The following DENND3 variants were observed in gnomAD, a reference collection of about 807,000 sequenced individuals.
The protein encoded by DENND3 is DENN domain-containing protein 3.
In DENND3, 88 loss-of-function variants were observed where a neutral mutation model predicts 135.1. The observed-to-expected ratio is 0.65, with a 90% CI of 0.55 to 0.78. The LOEUF (loss-of-function observed/expected upper bound fraction) is 0.78. DENND3 is among the 30% of genes least tolerant of loss of function. The pLI is 0.00. For missense variants in DENND3, 1,392 were observed against 1,688.4 expected (o/e 0.82, Z 3.08); for synonymous variants, 693 against 712.3 (o/e 0.97, Z 0.43).
At chr8:141,143,958 G>A (rs1817753562) in intron 4 of DENND3, 190 bp from the exon 5 acceptor site, 1 of 526,610 alleles carries the variant, frequency 1.9e-6, no homozygotes. Flanking sequence ...TGTGCCACCT[G>A]TCAGGCACTA....
At chr8:141,163,520 G>A in intron 10 of DENND3, 91 bp downstream of exon 10, 4 of 858,422 alleles carry the variant, frequency 4.7e-6, no homozygotes, top group Non-Finnish European at 7.1e-6. Context: ...GTGTTCTCAA[G>A]TGTATCAACT....
chr8:141,182,712 T>A lies in DENND3; in HGVS notation c.2944+1858T>A, dbSNP rs1035809605. On this transcript the variant is annotated intron_variant, in intron 17 of 22. Transcript: ENST00000519811. This position sits in a 1 kb window ranked among gnomAD's most constrained non-coding sequence, Gnocchi z 5.9. ...AGCCGAGCAGGGCTTTTGCAAGCCT[T>A]GTGAGATTGCAGGGACAAGAGGTGG... Among the ~76,000 whole-genome samples, 2 of 152,168 alleles carry A rather than the reference T, an allele frequency of 1.3e-5. No homozygotes were observed. Among genetic ancestry groups the A allele is most frequent in the Non-Finnish European group, 2.9e-5 (2 of 68,028 alleles).
rs1003788175 is a variant in DENND3 at position 141,182,619 on chromosome 8, C to T, written c.2944+1765C>T. ...GCCTGCAGAGAGCGTGCAAAGCAGC[C>T]GTGGGGAATGGGGAAACCGCCTTTT... is the stretch of plus-strand genomic sequence containing the variant. On this transcript the variant is annotated intron_variant, in intron 17 of 22. Transcript: ENST00000519811. The surrounding 1 kb of genome is among the most constrained non-coding windows in gnomAD (Gnocchi z 5.9). 13 of 494,212 alleles carry T rather than the reference C, an allele frequency of 2.6e-5. No individual in the cohort carries two copies. The highest frequency in any genetic ancestry group is 1.3e-4 in the African/African-American group (6 of 46,952). 30.6% of individuals were successfully genotyped at this position (494,212 alleles called of 1,614,324 possible).
At chr8:141,181,382 T>G (rs1160216727) in intron 17 of DENND3, among the ~76,000 whole-genome samples, 2 of 152,234 alleles carry the variant, frequency 1.3e-5, no homozygotes, top group African/African-American at 4.8e-5. Flanking sequence ...AAGCTCTTAA[T>G]GGGATCCTCT....
At position 141,175,629 on chromosome 8, in the gene DENND3, G is replaced by A. The variant is rs759677829; in HGVS notation, c.2535+170G>A. On this transcript the variant is annotated intron_variant, in intron 14 of 22. Coordinates refer to ENST00000519811, the MANE Select transcript of DENND3 (RefSeq NM_001352890.3). The surrounding 1 kb of genome is among the most constrained non-coding windows in gnomAD (Gnocchi z 5.4). The stretch of plus-strand genomic sequence containing the variant: ...TGCTCATCTGTAAAGTAGGAATAAG[G>A]CTGATACCTTCTCAGTGGGTGGTGG... The A allele has an allele frequency of 1.1e-6, 1 of 946,648 alleles. No individual in the cohort carries two copies. Among genetic ancestry groups the A allele is most frequent in the Non-Finnish European group, 1.6e-6 (1 of 610,462 alleles). The allele number at this position is 946,648 out of a possible 1,614,324, so 58.6% of individuals were successfully genotyped here. A position where few individuals can be genotyped will look rare whatever the true frequency, so the allele number is the denominator to read the frequency against.
rs762070002 is a variant in DENND3, at chr8:141,168,256, G to A, written c.2006G>A (p.Arg669Gln). 6.8e-6 allele frequency: 11 copies of A among 1,613,994 alleles called. No homozygotes were observed. In the African/African-American group the frequency reaches 8.0e-5, roughly 12 times the overall value. ...DFQNLYKTDIRIFPTDLVKRT... is the reference protein window; with the variant it reads ...DFQNLYKTDIQIFPTDLVKRT... ...CAGAATCTGTATAAAACAGACATAC[G>A]GATCTTTCCCACTGATTTGGTGAAG... Residue 669 changes from arginine (R) to glutamine (Q), a missense_variant, in exon 13 of 23, where the codon CGG becomes CAG. By Grantham distance (43) the Arg-to-Gln change is conservative. Transcript: ENST00000519811. The surrounding 1 kb of genome is among the most constrained non-coding windows in gnomAD (Gnocchi z 6.2).
chr8:141,166,719 TAGG>T lies in DENND3; in HGVS notation c.1753+334_1753+336del, dbSNP rs1217953400. 6.6e-6 allele frequency among the ~76,000 whole-genome samples: 1 copy of T among 152,182 alleles called. No individual in the cohort carries two copies. Among genetic ancestry groups the T allele is most frequent in the African/African-American group, 2.4e-5 (1 of 41,434 alleles). On this transcript the variant is annotated intron_variant, in intron 12 of 22. Coordinates refer to ENST00000519811, the MANE Select transcript of DENND3 (RefSeq NM_001352890.3). The surrounding 1 kb of genome is among the most constrained non-coding windows in gnomAD (Gnocchi z 4.3). The stretch of plus-strand genomic sequence containing the variant: ...CATATTTACACATCCACACGTGTGA[TAGG>T]AGGCAGGGAGCGCACCAGGCACTTT...
chr8:141,129,793 AAGGC>A (rs1277656356), intron 1 of DENND3: 1 of 152,246 alleles, frequency 6.6e-6, no homozygotes, highest in Non-Finnish European at 1.5e-5. Flanking sequence ...GTCACCAGGA[AAGGC>A]AGATGTTCCT....
At chr8:141,184,795 C>T in intron 17 of DENND3, 1 of 198,658 alleles carries the variant, frequency 5.0e-6, no homozygotes, top group East Asian at 1.2e-4. Context: ...CCCTCTGTGT[C>T]CACCTGCTCC....
At chr8:141,188,333 A>G (rs1440985035) in intron 18 of DENND3, 1 of 152,242 alleles carries the variant, frequency 6.6e-6, no homozygotes, top group Non-Finnish European at 1.5e-5. Context: ...CACTCTCTAG[A>G]CACTGGGAGC....
At chr8:141,186,297 C>G (rs971846146) in intron 18 of DENND3, among the ~76,000 whole-genome samples, 1 of 152,154 alleles carries the variant, frequency 6.6e-6, no homozygotes, top group Non-Finnish European at 1.5e-5. Context: ...AAAGAGGAGA[C>G]AGCTGCCTCT....
At chr8:141,133,717 G>A (rs931186796) in intron 1 of DENND3, among the ~76,000 whole-genome samples, 1 of 151,184 alleles carries the variant, frequency 6.6e-6, no homozygotes, top group African/African-American at 2.4e-5. Context: ...GGCATGGTGG[G>A]GCTGGGGCCC....
intron 17 of DENND3, 197 bp from the exon 18 acceptor site, chr8:141,184,942 C>A: frequency 1.7e-6 from 1 of 590,858 alleles, no homozygotes; most frequent in Non-Finnish European, 2.8e-6. Flanking sequence ...GCCCTCTCAC[C>A]AGCCAGCTGC....
At position 141,144,433 on chromosome 8, in the gene DENND3, A is replaced by G. The variant is rs897356671; in HGVS notation, c.735+174A>G. ...GACTGACTGGACCCCCTTTTGGCCA[A>G]GGGGACCCCAGAGAAACCCAAAAAA... On this transcript the variant is annotated intron_variant, in intron 5 of 22. Transcript: ENST00000519811. The surrounding 1 kb of genome is among the most constrained non-coding windows in gnomAD (Gnocchi z 4.4). Among the ~76,000 whole-genome samples the G allele has an allele frequency of 1.1e-4, 17 of 152,090 alleles. No homozygotes were observed. Among genetic ancestry groups the G allele is most frequent in the African/African-American group, 4.1e-4 (17 of 41,380 alleles).
At position 141,141,393 on chromosome 8, in the gene DENND3, G is replaced by A. The variant is rs1488810097; in HGVS notation, c.623+69G>A. On this transcript the variant is annotated intron_variant, in intron 4 of 22. Coordinates refer to ENST00000519811, the MANE Select transcript of DENND3 (RefSeq NM_001352890.3). This position sits in a 1 kb window ranked among gnomAD's most constrained non-coding sequence, Gnocchi z 5.3. ...TTTGTGCCTCTCCAGGTGAGCCAAG[G>A]GACCAGGGGGCTGGAGGTGGTGGGG... The A allele has an allele frequency of 1.3e-6, 2 of 1,578,832 alleles. No individual in the cohort carries two copies. The highest frequency in any genetic ancestry group is 2.7e-5 in the African/African-American group (2 of 73,634).
chr8:141,134,606 T>A (rs2154612674), intron 1 of DENND3, among the ~76,000 whole-genome samples: 1 of 152,340 alleles, frequency 6.6e-6, no homozygotes, highest in African/African-American at 2.4e-5. Flanking sequence ...TTCCTACTGA[T>A]ACATTTTTTT....
In DENND3 at chr8:141,168,393, G is replaced by A; in HGVS notation, c.2143G>A (p.Asp715Asn). 6.2e-7 allele frequency: 1 copy of A among 1,613,922 alleles called. No homozygotes were observed. Among genetic ancestry groups the A allele is most frequent in the Non-Finnish European group, 8.5e-7 (1 of 1,180,030 alleles). The change falls in exon 13 of 23, where the codon GAC (aspartate) becomes AAC (asparagine). Residue 715 changes from aspartate (D) to asparagine (N), a missense_variant. By Grantham distance (23) the Asp-to-Asn change is conservative. Coordinates refer to ENST00000519811, the MANE Select transcript of DENND3 (RefSeq NM_001352890.3). The surrounding 1 kb of genome is among the most constrained non-coding windows in gnomAD (Gnocchi z 6.2). ...CAAGCCGCACGAGGCCTCGAAGCTG[G>A]ACGACCACGTGAAGAAGTTCAAGCT... ...LDKPHEASKL[D>N]DHVKKFKLPK... is the part of the protein sequence containing the mutation.
At chr8:141,185,307 C>T (rs777914809) in intron 18 of DENND3, 29 bp downstream of exon 18, 114 of 1,612,666 alleles carry the variant, frequency 7.1e-5, no homozygotes, top group Non-Finnish European at 9.4e-5. Context: ...AGGAAAGAAG[C>T]CTCTGAATTC....
chr8:141,191,977 G>C (rs1471322651), intron 20 of DENND3: 1 of 186,130 alleles, frequency 5.4e-6, no homozygotes, highest in Non-Finnish European at 1.1e-5. Context: ...CTATGATACT[G>C]CTTCATGGAT....
Sources: allele counts gnomAD v4.1 joint callset (sites outside exome capture counted in the v4.1 genomes callset), GRCh38; gene constraint gnomAD v4.1.1; non-coding constraint Gnocchi (gnomAD v3.1); transcripts MANE v1.5; gene names NCBI Gene and HGNC (gene_info 2026-07-23, HGNC 2026-07-21).